GAN: variants seen among roughly 807,000 people sequenced by gnomAD.
The protein encoded by GAN is epididymis secretory sperm binding protein.
Under a neutral mutation model 71.3 loss-of-function variants are expected in GAN, and 48 were observed. That is an observed-to-expected ratio of 0.67 (90% CI 0.53 to 0.86). The LOEUF (loss-of-function observed/expected upper bound fraction) is 0.86. Ranked by LOEUF, GAN falls within the 40% of genes least tolerant of loss-of-function variation. The probability of loss-of-function intolerance (pLI) is 0.00; values close to 1 mark genes in which losing one functional copy is unlikely to be tolerated. For synonymous variants in GAN, 386 were observed against 276.8 expected, an observed-to-expected ratio of 1.39 and a Z score of -3.92; for missense variants, 928 against 770.1, an observed-to-expected ratio of 1.21 and a Z score of -2.43.
intron 1 of GAN, among the ~76,000 whole-genome samples, chr16:81,318,151 T>C (rs554773259): frequency 2.0e-5 from 3 of 152,364 alleles, no homozygotes; most frequent in East Asian, 1.9e-4. Context: ...GAGAATTATA[T>C]TGAAACAAAA....
chr16:81,365,294 A>C, intron 8 of GAN, 56 bp from the exon 9 acceptor site: 2 of 1,611,744 alleles, frequency 1.2e-6, no homozygotes, highest in Non-Finnish European at 1.7e-6. Context: ...GGAACGCGGG[A>C]GTGAGATCTC....
rs1032128337 is a variant in GAN, at chr16:81,386,134, A to G, written c.*8538A>G. 1 of 152,228 alleles carries G rather than the reference A, an allele frequency of 6.6e-6. No individual in the cohort carries two copies. The highest frequency in any genetic ancestry group is 2.4e-5 in the African/African-American group (1 of 41,450). 9.4% of individuals were successfully genotyped at this position (152,228 alleles called of 1,614,324 possible). A position where few individuals can be genotyped will look rare whatever the true frequency, so the allele number is the denominator to read the frequency against. ...CAACACAATTCTAGATAGCTGAAAC[A>G]GCCCAAAATATGTGTTTAGAATACT... is the stretch of plus-strand genomic sequence containing the variant. On this transcript the variant is annotated 3_prime_UTR_variant, in exon 11 of 11. Coordinates refer to ENST00000648994, the MANE Select transcript of GAN (RefSeq NM_022041.4).
chr16:81,377,630 C>G lies in GAN; in HGVS notation c.*34C>G. 1.9e-6 allele frequency: 3 copies of G among 1,574,220 alleles called. No homozygotes were observed. Among genetic ancestry groups the G allele is most frequent in the Non-Finnish European group, 2.6e-6 (3 of 1,144,018 alleles). On this transcript the variant is annotated 3_prime_UTR_variant, in exon 11 of 11. Transcript: ENST00000648994. Reference sequence around the variant, plus strand: ...CAGAGCAGAGTGCGAGATCCTGACCCAAGAGCACCATAACATAGCTCCGAA... The same window carrying G: ...CAGAGCAGAGTGCGAGATCCTGACCGAAGAGCACCATAACATAGCTCCGAA...
chr16:81,334,758 G>A (rs901033501), intron 1 of GAN, among the ~76,000 whole-genome samples: 8 of 152,146 alleles, frequency 5.3e-5, no homozygotes, highest in Non-Finnish European at 7.3e-5. Flanking sequence ...CCACTCAGCC[G>A]GTTCATGATG....
intron 1 of GAN, among the ~76,000 whole-genome samples, chr16:81,330,738 A>G (rs537654593): frequency 3.9e-5 from 6 of 152,364 alleles, no homozygotes; most frequent in African/African-American, 1.4e-4. Context: ...ATCTCCTTGA[A>G]TATACTTACA....
chr16:81,355,054 G>A (rs1319286949), intron 3 of GAN, among the ~76,000 whole-genome samples: 3 of 152,164 alleles, frequency 2.0e-5, no homozygotes, highest in Non-Finnish European at 2.9e-5. Context: ...TTATAGAAAC[G>A]CAGTATCCCC....
intron 9 of GAN, among the ~76,000 whole-genome samples, chr16:81,366,883 G>C (rs1193589059): frequency 1.3e-5 from 2 of 152,018 alleles, no homozygotes. Context: ...AGAGTGCAGT[G>C]GCGTGATCTC....
intron 1 of GAN, among the ~76,000 whole-genome samples, chr16:81,332,773 C>T (rs1909626370): frequency 6.6e-6 from 1 of 152,126 alleles, no homozygotes; most frequent in Admixed American, 6.5e-5. Flanking sequence ...TATCCCTTGT[C>T]TTGGTTTTGT....
chr16:81,381,954 G>A lies in GAN; in HGVS notation c.*4358G>A, dbSNP rs1904307495. Reference sequence around the variant, plus strand: ...ACAATGCCAAGTGCCTGATGTACATGATGTACAGTCTTCTGATTGTACCCT... The same window carrying A: ...ACAATGCCAAGTGCCTGATGTACATAATGTACAGTCTTCTGATTGTACCCT... On this transcript the variant is annotated 3_prime_UTR_variant, in exon 11 of 11. Coordinates refer to ENST00000648994, the MANE Select transcript of GAN (RefSeq NM_022041.4). 1 of 152,122 alleles carries A rather than the reference G, an allele frequency of 6.6e-6. No individual in the cohort carries two copies. Among genetic ancestry groups the A allele is most frequent in the African/African-American group, 2.4e-5 (1 of 41,420 alleles). 9.4% of individuals were successfully genotyped at this position (152,122 alleles called of 1,614,324 possible).
At chr16:81,357,559 A>G (rs535418051) in intron 4 of GAN, among the ~76,000 whole-genome samples, 83 of 152,330 alleles carry the variant, frequency 5.4e-4, no homozygotes, top group Admixed American at 9.8e-4. Flanking sequence ...TAGTGCCGCA[A>G]TAAACATACG....
intron 1 of GAN, among the ~76,000 whole-genome samples, chr16:81,322,052 T>C (rs1161447499): frequency 6.6e-6 from 1 of 152,202 alleles, no homozygotes; most frequent in Non-Finnish European, 1.5e-5. Flanking sequence ...TAAATCATCT[T>C]CCTAAGTACT....
chr16:81,321,924 T>C (rs1370473403), intron 1 of GAN, among the ~76,000 whole-genome samples: 1 of 152,100 alleles, frequency 6.6e-6, no homozygotes, highest in Non-Finnish European at 1.5e-5. Flanking sequence ...AGGAAGGAAA[T>C]CAAAGGCTCA....
chr16:81,322,696 A>G (rs1022636769), intron 1 of GAN, among the ~76,000 whole-genome samples: 1 of 152,246 alleles, frequency 6.6e-6, no homozygotes, highest in African/African-American at 2.4e-5. Flanking sequence ...GACTAGATAT[A>G]TTTTGAAACA....
intron 1 of GAN, among the ~76,000 whole-genome samples, chr16:81,345,727 C>T (rs1021412754): frequency 1.3e-5 from 2 of 152,128 alleles, no homozygotes; most frequent in African/African-American, 2.4e-5. Context: ...ACATGTAACC[C>T]AGAGCTTAAA....
chr16:81,319,206 T>TTTTA (rs61540131), intron 1 of GAN, among the ~76,000 whole-genome samples: 45 of 138,794 alleles, frequency 3.2e-4, no homozygotes, highest in Admixed American at 5.8e-4. Flanking sequence ...TAGATATAGA[T>TTTTA]TATATATATA....
At chr16:81,334,725 A>G (rs887096635) in intron 1 of GAN, among the ~76,000 whole-genome samples, 3 of 152,176 alleles carry the variant, frequency 2.0e-5, no homozygotes, top group African/African-American at 4.8e-5. Context: ...AACCAGTGGG[A>G]TGGAGTGCAG....
chr16:81,386,318 C>A lies in GAN; in HGVS notation c.*8722C>A, dbSNP rs1472479716. On this transcript the variant is annotated 3_prime_UTR_variant, in exon 11 of 11. Transcript: ENST00000648994. The stretch of plus-strand genomic sequence containing the variant: ...CAAAGAAACGAGATAATTCCTAGAT[C>A]TCTGTTTTAGACCAGTAGACCTAAC... The A allele has an allele frequency of 6.6e-6, 1 of 152,118 alleles. No individual in the cohort carries two copies. Among genetic ancestry groups the A allele is most frequent in the Non-Finnish European group, 1.5e-5 (1 of 68,034 alleles). The allele number at this position is 152,118 out of a possible 1,614,324, so 9.4% of individuals were successfully genotyped here. A position where few individuals can be genotyped will look rare whatever the true frequency, so the allele number is the denominator to read the frequency against.
intron 1 of GAN, among the ~76,000 whole-genome samples, chr16:81,341,565 T>G (rs1282588647): frequency 6.6e-6 from 1 of 152,130 alleles, no homozygotes; most frequent in Non-Finnish European, 1.5e-5. Flanking sequence ...TAAAATCCTT[T>G]ACAGACAAGC....
chr16:81,361,982 T>C (rs964925468), intron 5 of GAN, among the ~76,000 whole-genome samples: 8 of 152,352 alleles, frequency 5.3e-5, no homozygotes, highest in Middle Eastern at 3.4e-3. Flanking sequence ...CGGCTAAGAT[T>C]ATTTTTTAAA....
Sources: gnomAD v4.1 joint callset for allele counts (sites outside exome capture counted in the v4.1 genomes callset) on GRCh38, gnomAD v4.1.1 for gene constraint, MANE v1.5 for transcripts, NCBI Gene and HGNC (gene_info 2026-07-23, HGNC 2026-07-21) for gene names.